SMARCE1: variants seen among roughly 807,000 people sequenced by gnomAD.
SMARCE1 encodes SWI/SNF related BAF chromatin remodeling complex subunit E1, also known as SWI/SNF-related matrix-associated actin-dependent regulator of chromatin subfamily E member 1.
SMARCE1 carries 13 observed loss-of-function variants against 54.9 expected under a neutral mutation model. The observed-to-expected ratio is 0.24, with a 90% CI of 0.15 to 0.38. SMARCE1 has a LOEUF of 0.38. SMARCE1 is among the 10% of genes least tolerant of loss of function. The pLI, the probability that SMARCE1 is intolerant of heterozygous loss-of-function variation, is 1.00. For missense variants in SMARCE1, 295 were observed against 523.8 expected (o/e 0.56, Z 4.26); for synonymous variants, 151 against 175.3 (o/e 0.86, Z 1.10).
chr17:40,637,459 G>C, intron 5 of SMARCE1, 33 bp downstream of exon 5: 2 of 1,503,450 alleles, frequency 1.3e-6, no homozygotes, highest in Non-Finnish European at 9.3e-7. Context: ...CAAAGACAGT[G>C]TCCTCACTCC....
intron 10 of SMARCE1, 56 bp downstream of exon 10, chr17:40,630,658 A>T: frequency 6.9e-7 from 1 of 1,442,626 alleles, no homozygotes; most frequent in Non-Finnish European, 9.8e-7. Flanking sequence ...AACCTAAATT[A>T]AAGACAGCCG....
In SMARCE1 at chr17:40,642,228, C is replaced by T; in HGVS notation, c.156+227G>A. The T allele has an allele frequency of 1.6e-6, 1 of 613,278 alleles. No individual in the cohort carries two copies. The highest frequency in any genetic ancestry group is 1.8e-5 in the African/African-American group (1 of 54,110). The allele number at this position is 613,278 out of a possible 1,614,324, so 38.0% of individuals were successfully genotyped here. A position where few individuals can be genotyped will look rare whatever the true frequency, so the allele number is the denominator to read the frequency against. On this transcript the variant is annotated intron_variant, in intron 4 of 10. Transcript: ENST00000348513. The surrounding 1 kb of genome is among the most constrained non-coding windows in gnomAD (Gnocchi z 4.6). Reference sequence around the variant, plus strand: ...CAAGTGCTCAAGGCTTTAACCCTACCAACCACCAAACAGAATGGATTTTTC... The same window carrying T: ...CAAGTGCTCAAGGCTTTAACCCTACTAACCACCAAACAGAATGGATTTTTC...
At position 40,637,279 on chromosome 17, in the gene SMARCE1, A is replaced by G; in HGVS notation, c.237+213T>C. The G allele has an allele frequency of 8.7e-6, 5 of 571,606 alleles. No homozygotes were observed. The South Asian group carries it at 9.9e-5, about 11-fold the overall frequency. The allele number at this position is 571,606 out of a possible 1,614,324, so 35.4% of individuals were successfully genotyped here. Reference sequence around the variant, plus strand: ...AATGGCTATAGAACATTCTATCTTAAGGATTTTAACAGTTTATTTAATCAC... The same window carrying G: ...AATGGCTATAGAACATTCTATCTTAGGGATTTTAACAGTTTATTTAATCAC... On this transcript the variant is annotated intron_variant, in intron 5 of 10. Transcript: ENST00000348513.
intron 7 of SMARCE1, 192 bp from the exon 8 acceptor site, chr17:40,632,559 A>T: frequency 1.9e-6 from 1 of 539,574 alleles, no homozygotes; most frequent in Admixed American, 3.5e-5. Flanking sequence ...TTCATTGGCC[A>T]AGGTAGTAAT....
chr17:40,631,967 T>C, intron 8 of SMARCE1: 1 of 548,012 alleles, frequency 1.8e-6, no homozygotes, highest in African/African-American at 1.9e-5. Flanking sequence ...AGTTCACACG[T>C]ATTTCTTAAC....
In SMARCE1 at chr17:40,630,738, C is replaced by T. The variant is rs767569116; in HGVS notation, c.1003G>A (p.Asp335Asn). The T allele has an allele frequency of 5.6e-6, 9 of 1,613,972 alleles. No homozygotes were observed. Among genetic ancestry groups the T allele is most frequent in the East Asian group, 2.2e-5 (1 of 44,900 alleles). Reference protein sequence around the residue: ...AANKGEEKKDDENIPMETEET... With the variant: ...AANKGEEKKDNENIPMETEET... ...CCTGTCTCCATCGGAATGTTCTCGT[C>T]GTCTTTCTTCTCCTCGCCTTTGTTA... The change falls in exon 10 of 11, where the codon GAC becomes AAC. Residue 335 changes from aspartate to asparagine, a missense_variant. Asp to Asn is a conservative substitution (Grantham distance 23). Around this residue, in one of 5 missense-constraint regions of SMARCE1, gnomAD observed 147 missense variants for 161.4 expected, o/e 0.91. Transcript: ENST00000348513.
At position 40,625,171 on chromosome 17, in the gene SMARCE1, T is replaced by A. The variant is rs1254102268; in HGVS notation, c.*3614A>T. Reference sequence around the variant, plus strand: ...ATTGTACACTGGCAATTTCTTATGGTTCAACCTAATAGTAAAACATTTATA... The same window carrying A: ...ATTGTACACTGGCAATTTCTTATGGATCAACCTAATAGTAAAACATTTATA... On this transcript the variant is annotated 3_prime_UTR_variant, in exon 11 of 11. Coordinates refer to ENST00000348513, the MANE Select transcript of SMARCE1 (RefSeq NM_003079.5). 1 of 152,228 alleles carries A rather than the reference T, an allele frequency of 6.6e-6. No homozygotes were observed. Among genetic ancestry groups the A allele is most frequent in the Non-Finnish European group, 1.5e-5 (1 of 68,036 alleles). 9.4% of individuals were successfully genotyped at this position (152,228 alleles called of 1,614,324 possible). A position where few individuals can be genotyped will look rare whatever the true frequency, so the allele number is the denominator to read the frequency against.
chr17:40,645,854 TAAAAAAAAAAGG>T lies in SMARCE1; in HGVS notation c.-45-19_-45-8del, dbSNP rs2037249743. The stretch of plus-strand genomic sequence containing the variant: ...TAAGAATGAATCTGAGACACTAAAA[TAAAAAAAAAAGG>T]AAAAAAAAAAGAGAATCAAAACTCA... On this transcript the variant is annotated splice_region_variant and splice_polypyrimidine_tract_variant and intron_variant, in intron 1 of 10. Coordinates refer to ENST00000348513, the MANE Select transcript of SMARCE1 (RefSeq NM_003079.5). 8.1e-6 allele frequency: 6 copies of T among 737,560 alleles called. No homozygotes were observed. Among genetic ancestry groups the T allele is most frequent in the East Asian group, 4.0e-5 (1 of 25,068 alleles). 45.7% of individuals were successfully genotyped at this position (737,560 alleles called of 1,614,324 possible). A position where few individuals can be genotyped will look rare whatever the true frequency, so the allele number is the denominator to read the frequency against.
At chr17:40,631,044 ATGTG>A (rs145383757) in intron 9 of SMARCE1, 120 bp from the exon 10 acceptor site, 10 of 722,192 alleles carry the variant, frequency 1.4e-5, no homozygotes, top group South Asian at 5.9e-5. Context: ...ATACACCTGT[ATGTG>A]TGTGTGTGTG....
rs1426841589 is a variant in SMARCE1 at position 40,637,491 on chromosome 17, C to T, written c.237+1G>A. On this transcript the variant is annotated splice_donor_variant, in intron 5 of 10. Coordinates refer to ENST00000348513, the MANE Select transcript of SMARCE1 (RefSeq NM_003079.5). LOFTEE classifies it high-confidence loss of function. ...CTCCTTACCAGGTCCTAAGCACCTA[C>T]CTTTCTGCTGTACCTCATGTAGGGC... The T allele has an allele frequency of 6.2e-7, 1 of 1,612,070 alleles. No individual in the cohort carries two copies. Among genetic ancestry groups the T allele is most frequent in the Non-Finnish European group, 8.5e-7 (1 of 1,178,214 alleles).
At chr17:40,635,061 T>C (rs2037132347) in intron 7 of SMARCE1, 1 of 152,106 alleles carries the variant, frequency 6.6e-6, no homozygotes, top group Admixed American at 6.6e-5. Flanking sequence ...TATCAACTTA[T>C]TCTTGTCTTC....
At chr17:40,647,346 T>C (rs1431160549) in intron 1 of SMARCE1, 1 of 152,264 alleles carries the variant, frequency 6.6e-6, no homozygotes, top group Non-Finnish European at 1.5e-5. Flanking sequence ...AGTGCCAAAG[T>C]TGGGTTTCAA....
intron 3 of SMARCE1, chr17:40,645,104 T>G (rs562422559): frequency 5.6e-6 from 1 of 177,566 alleles, no homozygotes; most frequent in East Asian, 1.5e-4. Flanking sequence ...AATCTTTACT[T>G]GAACAGCTTG....
At position 40,628,498 on chromosome 17, in the gene SMARCE1, G is replaced by T; in HGVS notation, c.*287C>A. 1 of 343,402 alleles carries T rather than the reference G, an allele frequency of 2.9e-6. No individual in the cohort carries two copies. The highest frequency in any genetic ancestry group is 5.5e-6 in the Non-Finnish European group (1 of 183,306). 21.3% of individuals were successfully genotyped at this position (343,402 alleles called of 1,614,324 possible). The stretch of plus-strand genomic sequence containing the variant: ...TAAGAGTAGATTCTGCAGCATCAAA[G>T]GATAATTCTCTAAAAGAGGTGGGTG... On this transcript the variant is annotated 3_prime_UTR_variant, in exon 11 of 11. Coordinates refer to ENST00000348513, the MANE Select transcript of SMARCE1 (RefSeq NM_003079.5).
rs1240148961 is a variant in SMARCE1 at position 40,642,340 on chromosome 17, G to C, written c.156+115C>G. 4.0e-6 allele frequency: 3 copies of C among 750,446 alleles called. No homozygotes were observed. Among genetic ancestry groups the C allele is most frequent in the South Asian group, 2.9e-5 (2 of 69,782 alleles). The allele number at this position is 750,446 out of a possible 1,614,324, so 46.5% of individuals were successfully genotyped here. On this transcript the variant is annotated intron_variant, in intron 4 of 10. Transcript: ENST00000348513. This position sits in a 1 kb window ranked among gnomAD's most constrained non-coding sequence, Gnocchi z 4.6. Reference sequence around the variant, plus strand: ...AATGTTGAAAATACTCAAAAAGCTAGGTTAAAAAATTTTTTTTAAATGGCT... The same window carrying C: ...AATGTTGAAAATACTCAAAAAGCTACGTTAAAAAATTTTTTTTAAATGGCT...
chr17:40,630,494 A>G, intron 10 of SMARCE1: 1 of 626,814 alleles, frequency 1.6e-6, no homozygotes, highest in Non-Finnish European at 2.9e-6. Flanking sequence ...GTCCTAGGAC[A>G]CCAAAGACAA....
At chr17:40,645,887 A>G (rs539156198) in intron 1 of SMARCE1, 40 bp from the exon 2 acceptor site, 164 of 634,778 alleles carry the variant, frequency 2.6e-4, no homozygotes, top group Non-Finnish European at 3.8e-4. Context: ...GAGAATCAAA[A>G]CTCAGCAAGC....
Position 40,628,835 on chromosome 17 carries a change from C to T in SMARCE1, c.1186G>A (p.Val396Met), listed in dbSNP as rs767236696. Residue 396 changes from valine (V) to methionine (M), a missense_variant, in exon 11 of 11, where the codon GTG (valine) becomes ATG (methionine). Val to Met is a conservative substitution (Grantham distance 21). Coordinates refer to ENST00000348513, the MANE Select transcript of SMARCE1 (RefSeq NM_003079.5). Reference sequence around the variant, plus strand: ...ATGGGATCTGTTGGTGGCTCCTCCACTGTTGCACTGTTGCTCTCCGAGCCA... The same window carrying T: ...ATGGGATCTGTTGGTGGCTCCTCCATTGTTGCACTGTTGCTCTCCGAGCCA... ...NTGSESNSAT[V>M]EEPPTDPIPE... is the part of the protein sequence containing the mutation. 10 of 1,613,894 alleles carry T rather than the reference C, an allele frequency of 6.2e-6. No individual in the cohort carries two copies. The highest frequency in any genetic ancestry group is 8.5e-6 in the Non-Finnish European group (10 of 1,179,834).
At chr17:40,640,898 G>A (rs1173703441) in intron 4 of SMARCE1, 9 of 152,182 alleles carry the variant, frequency 5.9e-5, no homozygotes, top group Admixed American at 5.9e-4. Flanking sequence ...ACTTCAGATA[G>A]GGAGTACACT....
Sources: gnomAD v4.1 joint callset for allele counts on GRCh38, gnomAD v4.1.1 for gene constraint, gnomAD v4.1.1 regional missense constraint, Gnocchi (gnomAD v3.1) non-coding constraint, MANE v1.5 for transcripts, NCBI Gene and HGNC (gene_info 2026-07-23, HGNC 2026-07-21) for gene names.